Variants in KCNMB4 observed in about 807,000 individuals in gnomAD.
KCNMB4 encodes calcium-activated potassium channel subunit beta-4.
Under a neutral mutation model 20.7 loss-of-function variants are expected in KCNMB4, and 3 were observed. That is an observed-to-expected ratio of 0.14 (90% CI 0.07 to 0.37). The LOEUF (loss-of-function observed/expected upper bound fraction) is 0.37. KCNMB4 is among the 10% of genes least tolerant of loss of function. The pLI is 1.00. For missense variants in KCNMB4, 168 were observed against 265.9 expected (o/e 0.63, Z 2.56); for synonymous variants, 110 against 113.4 (o/e 0.97, Z 0.19).
Position 70,378,132 on chromosome 12 carries a change from TGG to T in KCNMB4, c.336+11063_336+11064del, listed in dbSNP as rs1474911214. Among the ~76,000 whole-genome samples, 8 of 152,162 alleles carry T rather than the reference TGG, an allele frequency of 5.3e-5. No individual in the cohort carries two copies. In the East Asian group the frequency reaches 1.5e-3, roughly 29 times the overall value. On this transcript the variant is annotated intron_variant, in intron 1 of 2. Coordinates refer to ENST00000258111, the MANE Select transcript of KCNMB4 (RefSeq NM_014505.6). ...ACCCAGCTAATTTTTTTTTCTGTATTGGTAGTAGAGACAGGGTTTCATCATGT... is the reference window on the plus strand; with the variant it reads ...ACCCAGCTAATTTTTTTTTCTGTATTTAGTAGAGACAGGGTTTCATCATGT...
In KCNMB4 at chr12:70,410,155, G is replaced by T. The variant is rs573905487; in HGVS notation, c.464+9819G>T. On this transcript the variant is annotated intron_variant, in intron 2 of 2. Coordinates refer to ENST00000258111, the MANE Select transcript of KCNMB4 (RefSeq NM_014505.6). Reference sequence around the variant, plus strand: ...CTAGAACCAAACGCTTTCTAGTGGCGTGGTCTTAGATATGTTACTTAAATC... The same window carrying T: ...CTAGAACCAAACGCTTTCTAGTGGCTTGGTCTTAGATATGTTACTTAAATC... Among the ~76,000 whole-genome samples the T allele has an allele frequency of 2.0e-4, 30 of 152,288 alleles. No homozygotes were observed. In the South Asian group the frequency reaches 6.0e-3, roughly 30 times the overall value.
At chr12:70,377,505 A>G (rs1883708317) in intron 1 of KCNMB4, among the ~76,000 whole-genome samples, 1 of 152,170 alleles carries the variant, frequency 6.6e-6, no homozygotes, top group Non-Finnish European at 1.5e-5. Flanking sequence ...TTGCGGGTGG[A>G]GGATCATGCC....
chr12:70,377,287 T>A, intron 1 of KCNMB4, among the ~76,000 whole-genome samples: 1 of 152,192 alleles, frequency 6.6e-6, no homozygotes, highest in East Asian at 1.9e-4. Context: ...TATTGCAGAT[T>A]TGGTTCCAGA....
intron 2 of KCNMB4, among the ~76,000 whole-genome samples, chr12:70,403,473 C>T (rs1459016563): frequency 2.6e-5 from 4 of 152,142 alleles, no homozygotes; most frequent in Non-Finnish European, 5.9e-5. Flanking sequence ...GCTGGGATTA[C>T]AGGTGCATGC....
chr12:70,414,849 C>T (rs1593344079), intron 2 of KCNMB4, among the ~76,000 whole-genome samples: 2 of 152,146 alleles, frequency 1.3e-5, no homozygotes, highest in South Asian at 4.1e-4. Context: ...CATCTTGTTG[C>T]TTTTGACCGA....
intron 2 of KCNMB4, among the ~76,000 whole-genome samples, chr12:70,427,172 C>T (rs1484313080): frequency 1.3e-5 from 2 of 152,178 alleles, no homozygotes; most frequent in South Asian, 2.1e-4. Context: ...CATATAATTA[C>T]GGCAAATTGA....
At chr12:70,381,004 A>G (rs1335563926) in intron 1 of KCNMB4, among the ~76,000 whole-genome samples, 1 of 152,234 alleles carries the variant, frequency 6.6e-6, no homozygotes, top group Non-Finnish European at 1.5e-5. Flanking sequence ...AATGTATCTG[A>G]TAAGTGTCTA....
chr12:70,429,399 A>G (rs755181205), intron 2 of KCNMB4, among the ~76,000 whole-genome samples: 35 of 152,170 alleles, frequency 2.3e-4, no homozygotes, highest in Non-Finnish European at 2.1e-4. Flanking sequence ...GGGTGCGGTG[A>G]CTCACGCCTG....
chr12:70,380,754 C>A (rs1015636211), intron 1 of KCNMB4, among the ~76,000 whole-genome samples: 1 of 151,842 alleles, frequency 6.6e-6, no homozygotes, highest in Non-Finnish European at 1.5e-5. Context: ...GGTGCTTGAA[C>A]AGCTGAATAT....
At chr12:70,409,141 T>C (rs767397) in intron 2 of KCNMB4, among the ~76,000 whole-genome samples, 9,748 of 152,246 alleles carry the variant, frequency 0.064, 701 homozygotes, top group African/African-American at 0.18. Flanking sequence ...TTTAGTACTT[T>C]GTTTTATACC....
intron 2 of KCNMB4, among the ~76,000 whole-genome samples, chr12:70,428,085 C>T (rs1205813411): frequency 3.3e-5 from 5 of 152,018 alleles, no homozygotes; most frequent in Non-Finnish European, 1.5e-5. Flanking sequence ...GCAGCTTGAT[C>T]GTGGCTCACT....
intron 2 of KCNMB4, among the ~76,000 whole-genome samples, chr12:70,429,225 C>A (rs1486830985): frequency 2.0e-5 from 3 of 152,122 alleles, no homozygotes; most frequent in Admixed American, 6.5e-5. Flanking sequence ...GCTCTGAAGG[C>A]TTTGATGTTC....
intron 1 of KCNMB4, among the ~76,000 whole-genome samples, chr12:70,393,037 A>T (rs1026623153): frequency 6.7e-4 from 102 of 152,224 alleles, no homozygotes; most frequent in Non-Finnish European, 9.0e-4. Context: ...TTAAATTCTG[A>T]TCAGGAGTTA....
chr12:70,374,097 A>G (rs1300191810), intron 1 of KCNMB4, among the ~76,000 whole-genome samples: 2 of 152,238 alleles, frequency 1.3e-5, no homozygotes, highest in Non-Finnish European at 2.9e-5. Flanking sequence ...GAAGATCTCA[A>G]TTATATCTGT....
At chr12:70,388,106 C>T (rs1189113979) in intron 1 of KCNMB4, among the ~76,000 whole-genome samples, 1 of 152,080 alleles carries the variant, frequency 6.6e-6, no homozygotes, top group Non-Finnish European at 1.5e-5. Flanking sequence ...GCTTATTTCA[C>T]TTAACTTAAT....
rs138965417 is a variant in KCNMB4 at position 70,378,041 on chromosome 12, G to A, written c.336+10971G>A. Among the ~76,000 whole-genome samples the A allele has an allele frequency of 2.3e-3, 338 of 149,854 alleles. 1 individual carries two copies. The highest frequency in any genetic ancestry group is 8.0e-3 in the African/African-American group (326 of 40,616). ...CTCGTCTCACTGCAGCCTCCACCTC[G>A]CGAGTTCAAGTGACTCTCCTGCGTC... is the stretch of plus-strand genomic sequence containing the variant. On this transcript the variant is annotated intron_variant, in intron 1 of 2. Transcript: ENST00000258111.
intron 1 of KCNMB4, among the ~76,000 whole-genome samples, chr12:70,374,846 C>T (rs989157210): frequency 6.6e-6 from 1 of 150,756 alleles, no homozygotes; most frequent in African/African-American, 2.4e-5. Context: ...AACTATATTG[C>T]AGCAGCATAT....
chr12:70,419,348 G>C (rs574428172), intron 2 of KCNMB4, among the ~76,000 whole-genome samples: 1 of 152,246 alleles, frequency 6.6e-6, no homozygotes, highest in African/African-American at 2.4e-5. Flanking sequence ...TAATAATACA[G>C]TATTGCTCTT....
chr12:70,398,343 G>A (rs1014086611), intron 1 of KCNMB4, among the ~76,000 whole-genome samples: 2 of 152,066 alleles, frequency 1.3e-5, no homozygotes, highest in Admixed American at 1.3e-4. Flanking sequence ...ATGAAGTCCA[G>A]AAAAGGGAAG....
Sources: gnomAD v4.1 joint callset for allele counts (sites outside exome capture counted in the v4.1 genomes callset) on GRCh38, gnomAD v4.1.1 for gene constraint, MANE v1.5 for transcripts, NCBI Gene and HGNC (gene_info 2026-07-23, HGNC 2026-07-21) for gene names.